Variants in PGS1 observed in about 807,000 individuals in gnomAD.
PGS1 encodes the protein phosphatidylglycerophosphate synthase 1, also known as CDP-diacylglycerol--glycerol-3-phosphate 3-phosphatidyltransferase, mitochondrial.
PGS1 carries 44 observed loss-of-function variants against 58.3 expected under a neutral mutation model. That is an observed-to-expected ratio of 0.75 (90% confidence interval 0.59 to 0.97). The LOEUF is 0.97. Ranked by LOEUF, PGS1 falls within the 50% of genes least tolerant of loss-of-function variation. PGS1 has a pLI of 0.00. For synonymous variants in PGS1, 330 were observed against 311.0 expected, an observed-to-expected ratio of 1.06 and a Z score of -0.64; for missense variants, 684 against 731.1, an observed-to-expected ratio of 0.94 and a Z score of 0.74.
intron 1 of PGS1, among the ~76,000 whole-genome samples, chr17:78,387,392 C>T (rs532775959): frequency 1.7e-4 from 26 of 150,794 alleles, no homozygotes; most frequent in African/African-American, 5.4e-4. Flanking sequence ...CTCCGCCTCC[C>T]GGGTTCAAGT....
chr17:78,393,446 G>A (rs539979754), intron 2 of PGS1, among the ~76,000 whole-genome samples: 1 of 152,226 alleles, frequency 6.6e-6, no homozygotes, highest in Admixed American at 6.5e-5. Flanking sequence ...TGAGGACTGA[G>A]GACCCGTGGG....
At chr17:78,393,100 A>C (rs2082948443) in intron 2 of PGS1, among the ~76,000 whole-genome samples, 1 of 145,450 alleles carries the variant, frequency 6.9e-6, no homozygotes, top group Non-Finnish European at 1.5e-5. Flanking sequence ...TCGCTCTGTC[A>C]CCCAGGCTAG....
intron 9 of PGS1, 152 bp downstream of exon 9, chr17:78,419,827 G>C (rs1297127750): frequency 1.4e-6 from 2 of 1,427,892 alleles, no homozygotes; most frequent in East Asian, 5.4e-5. Context: ...TATGGCAGCT[G>C]TCCTCAAAGT....
At chr17:78,390,062 T>TCCCCCCCCCCCCC (rs1555628316) in intron 1 of PGS1, among the ~76,000 whole-genome samples, 1 of 128,602 alleles carries the variant, frequency 7.8e-6, no homozygotes, top group Non-Finnish European at 1.7e-5. Context: ...TGTTGCCTGT[T>TCCCCCCCCCCCCC]CCCCCGCCCC....
chr17:78,398,011 C>A, intron 3 of PGS1: 1 of 598,068 alleles, frequency 1.7e-6, no homozygotes, highest in Non-Finnish European at 3.1e-6. Context: ...ACGCCTCTGC[C>A]TGCAGGTCCC....
rs1394735803 is a variant in PGS1 at position 78,424,246 on chromosome 17, C to T, written c.*196C>T. 6 of 1,453,754 alleles carry T rather than the reference C, an allele frequency of 4.1e-6. No individual in the cohort carries two copies. Among genetic ancestry groups the T allele is most frequent in the Non-Finnish European group, 5.5e-6 (6 of 1,092,740 alleles). The allele number at this position is 1,453,754 out of a possible 1,614,324, so 90.1% of individuals were successfully genotyped here. On this transcript the variant is annotated 3_prime_UTR_variant, in exon 10 of 10. Transcript: ENST00000262764. ...GTGGGGTCCTCACACTCCCCGCCCT[C>T]TGCAGAGCTGGGCTCTACCCCAAAA...
At chr17:78,423,491 G>C (rs1271970050) in intron 9 of PGS1, among the ~76,000 whole-genome samples, 4 of 152,196 alleles carry the variant, frequency 2.6e-5, no homozygotes, top group Admixed American at 6.5e-5. Flanking sequence ...TTTGCATGAA[G>C]CATCAGGCCA....
At chr17:78,386,951 ATGG>A (rs1249949694) in intron 1 of PGS1, among the ~76,000 whole-genome samples, 141 of 148,260 alleles carry the variant, frequency 9.5e-4, no homozygotes, top group Middle Eastern at 3.5e-3. Flanking sequence ...GATGGTGATG[ATGG>A]TGATGATGAT....
intron 1 of PGS1, among the ~76,000 whole-genome samples, chr17:78,379,777 C>G (rs2081904368): frequency 6.7e-6 from 1 of 150,168 alleles, no homozygotes; most frequent in African/African-American, 2.5e-5. Flanking sequence ...TGCAGTGAGC[C>G]AAGATTGCCT....
chr17:78,413,457 C>T (rs1037429646), intron 7 of PGS1, among the ~76,000 whole-genome samples: 2 of 152,158 alleles, frequency 1.3e-5, no homozygotes, highest in Non-Finnish European at 1.5e-5. Context: ...CACCTGCTTG[C>T]CCTCACTCAC....
chr17:78,402,090 G>T (rs1394558496), intron 6 of PGS1, among the ~76,000 whole-genome samples: 3 of 152,298 alleles, frequency 2.0e-5, no homozygotes, highest in East Asian at 3.9e-4. Flanking sequence ...GCCCTGTCCA[G>T]CATGTGGCAG....
At chr17:78,411,619 C>T (rs1213154235) in intron 7 of PGS1, among the ~76,000 whole-genome samples, 1 of 152,212 alleles carries the variant, frequency 6.6e-6, no homozygotes, top group Non-Finnish European at 1.5e-5. Flanking sequence ...TTCCTCCCTC[C>T]CCAGGCTATC....
At chr17:78,405,324 A>ATTCATTAGGG (rs2084039623) in intron 7 of PGS1, among the ~76,000 whole-genome samples, 2 of 152,112 alleles carry the variant, frequency 1.3e-5, no homozygotes, top group African/African-American at 4.8e-5. Flanking sequence ...GAGAAAGAAG[A>ATTCATTAGGG]TTCATTAGGG....
In PGS1 at chr17:78,414,946, G is replaced by C. The variant is rs752954502; in HGVS notation, c.1470G>C (p.Gly490=). ...CLTLIGSPNF[G]YRSVHRDLEA... Reference sequence around the variant, plus strand: ...CGCTGATTGGCTCTCCTAATTTTGGGTACAGGTCAGTTCACCGGGACCTGG... The same window carrying C: ...CGCTGATTGGCTCTCCTAATTTTGGCTACAGGTCAGTTCACCGGGACCTGG... Residue 490 remains glycine, a synonymous_variant, in exon 8 of 10, where the codon GGG becomes GGC. Transcript: ENST00000262764. 1 of 1,614,012 alleles carries C rather than the reference G, an allele frequency of 6.2e-7. No homozygotes were observed. Among genetic ancestry groups the C allele is most frequent in the Non-Finnish European group, 8.5e-7 (1 of 1,180,038 alleles).
intron 1 of PGS1, among the ~76,000 whole-genome samples, chr17:78,386,260 T>G (rs2082375783): frequency 6.6e-6 from 1 of 152,208 alleles, no homozygotes. Context: ...TCATTTGTTT[T>G]GGTTGTTGCT....
At chr17:78,418,299 A>C (rs1185148335) in intron 8 of PGS1, among the ~76,000 whole-genome samples, 29 of 152,206 alleles carry the variant, frequency 1.9e-4, no homozygotes, top group Non-Finnish European at 1.2e-4. Flanking sequence ...AAAATTAAGA[A>C]AAACGGAAAG....
chr17:78,399,620 T>A, intron 5 of PGS1, 83 bp downstream of exon 5: 1 of 1,398,194 alleles, frequency 7.2e-7, no homozygotes, highest in Middle Eastern at 1.8e-4. Context: ...GGGAAACCCG[T>A]TCCCCTCAGT....
At chr17:78,381,688 G>T (rs2082046479) in intron 1 of PGS1, among the ~76,000 whole-genome samples, 2 of 152,164 alleles carry the variant, frequency 1.3e-5, no homozygotes, top group Non-Finnish European at 2.9e-5. Flanking sequence ...TTAGCTTGTC[G>T]ATCTGAGTCA....
At chr17:78,416,323 G>A (rs549419136) in intron 8 of PGS1, among the ~76,000 whole-genome samples, 6 of 152,370 alleles carry the variant, frequency 3.9e-5, no homozygotes, top group Non-Finnish European at 2.9e-5. Flanking sequence ...AAAGACCTGA[G>A]CCTGCAGCTT....
Sources: allele counts gnomAD v4.1 joint callset (sites outside exome capture counted in the v4.1 genomes callset), GRCh38; gene constraint gnomAD v4.1.1; transcripts MANE v1.5; gene names NCBI Gene and HGNC (gene_info 2026-07-23, HGNC 2026-07-21).